UBE2F: variants seen among roughly 807,000 people sequenced by gnomAD.
UBE2F encodes the protein NEDD8-conjugating enzyme UBE2F.
In UBE2F, 5 loss-of-function variants were observed where a neutral mutation model predicts 29.6. That is an observed-to-expected ratio of 0.17 (90% CI 0.09 to 0.36). The LOEUF (loss-of-function observed/expected upper bound fraction) is 0.36, where lower values mean the gene tolerates loss of function less well. Ranked by LOEUF, UBE2F falls within the 10% of genes least tolerant of loss-of-function variation. UBE2F has a pLI of 1.00. For synonymous variants in UBE2F, 66 were observed against 81.8 expected (o/e 0.81, Z 1.04); for missense variants, 141 against 228.5 (o/e 0.62, Z 2.47).
intron 4 of UBE2F, among the ~76,000 whole-genome samples, chr2:238,009,915 T>C (rs1297626116): frequency 6.6e-6 from 1 of 152,236 alleles, no homozygotes; most frequent in East Asian, 1.9e-4. Flanking sequence ...ACCACAGATA[T>C]GCCCACCACC....
At chr2:237,976,232 G>A (rs545692493) in intron 2 of UBE2F, among the ~76,000 whole-genome samples, 55 of 152,328 alleles carry the variant, frequency 3.6e-4, no homozygotes, top group Admixed American at 2.2e-3. Context: ...AAAATGGTGT[G>A]TTGTTGCTGT....
intron 4 of UBE2F, among the ~76,000 whole-genome samples, chr2:238,011,545 G>A (rs569528425): frequency 1.3e-5 from 2 of 152,292 alleles, no homozygotes; most frequent in East Asian, 3.8e-4. Flanking sequence ...TGTGGCACAT[G>A]GTGGGCACTC....
At chr2:237,972,564 T>TGAGACAGGGTC (rs2063197245) in intron 1 of UBE2F, among the ~76,000 whole-genome samples, 1 of 148,576 alleles carries the variant, frequency 6.7e-6, no homozygotes, top group African/African-American at 2.5e-5. Context: ...TTTTTTTTTT[T>TGAGACAGGGTC]TTTTGAGACA....
chr2:238,030,631 A>T lies in UBE2F; in HGVS notation c.411+18A>T, dbSNP rs532696614. On this transcript the variant is annotated intron_variant, in intron 7 of 9. Coordinates refer to ENST00000272930, the MANE Select transcript of UBE2F (RefSeq NM_080678.3). ...CATTAAAGGTAGAGTCTGTGCCTTG[A>T]TCTTGATCATAAGTTGTCCCTGTGG... 2 of 1,605,506 alleles carry T rather than the reference A, an allele frequency of 1.2e-6. No homozygotes were observed. The highest frequency in any genetic ancestry group is 1.7e-6 in the Non-Finnish European group (2 of 1,172,730).
At chr2:237,996,892 G>A (rs2063702942) in intron 4 of UBE2F, among the ~76,000 whole-genome samples, 1 of 152,094 alleles carries the variant, frequency 6.6e-6, no homozygotes, top group Non-Finnish European at 1.5e-5. Context: ...GAGCATAATT[G>A]TTACAGTTTT....
At chr2:238,019,653 C>A (rs1211208094) in intron 5 of UBE2F, among the ~76,000 whole-genome samples, 1 of 23,596 alleles carries the variant, frequency 4.2e-5, no homozygotes, top group Admixed American at 4.6e-4. Flanking sequence ...CTGTGCTCAG[C>A]CTTTTTTTTT....
intron 3 of UBE2F, chr2:237,990,544 A>AGACCTCAGGTGCAT (rs2063566563): frequency 3.6e-6 from 1 of 279,980 alleles, no homozygotes; most frequent in Admixed American, 4.8e-5. Flanking sequence ...CTGAGACCTC[A>AGACCTCAGGTGCAT]GACCTCAGGT....
chr2:237,987,057 T>C (rs1341201145), intron 2 of UBE2F, among the ~76,000 whole-genome samples: 1 of 152,228 alleles, frequency 6.6e-6, no homozygotes, highest in Admixed American at 6.5e-5. Flanking sequence ...GGGATTGCAC[T>C]GAATCTGTAG....
At chr2:238,013,849 C>T (rs1372838092) in intron 4 of UBE2F, among the ~76,000 whole-genome samples, 1 of 152,124 alleles carries the variant, frequency 6.6e-6, no homozygotes, top group East Asian at 1.9e-4. Flanking sequence ...AGGAACTTCC[C>T]TCAGTTGCAT....
intron 4 of UBE2F, among the ~76,000 whole-genome samples, chr2:237,997,985 G>A (rs2063723145): frequency 1.3e-5 from 2 of 152,222 alleles, no homozygotes; most frequent in African/African-American, 4.8e-5. Flanking sequence ...TAGTGGGACA[G>A]TTTGAAAAAC....
At chr2:238,025,231 GA>G in intron 5 of UBE2F, 110 bp from the exon 6 acceptor site, 1 of 893,704 alleles carries the variant, frequency 1.1e-6, no homozygotes, top group East Asian at 2.5e-5. Context: ...ACTGCACACT[GA>G]GTCAGCCATG....
intron 4 of UBE2F, among the ~76,000 whole-genome samples, chr2:238,015,304 G>T (rs2064127682): frequency 6.6e-6 from 1 of 152,110 alleles, no homozygotes; most frequent in African/African-American, 2.4e-5. Flanking sequence ...AAAAGCAAAG[G>T]CTAATTAAGA....
intron 5 of UBE2F, among the ~76,000 whole-genome samples, chr2:238,018,268 T>C (rs1008402657): frequency 6.6e-6 from 1 of 152,148 alleles, no homozygotes; most frequent in African/African-American, 2.4e-5. Flanking sequence ...ATACAGTATT[T>C]AAAATTCTGT....
chr2:238,037,943 G>T (rs1297523725), intron 9 of UBE2F, among the ~76,000 whole-genome samples: 1 of 152,116 alleles, frequency 6.6e-6, no homozygotes, highest in Non-Finnish European at 1.5e-5. Flanking sequence ...TCTAGACATC[G>T]TGCTGAATGT....
At chr2:238,020,870 A>T (rs1379753381) in intron 5 of UBE2F, among the ~76,000 whole-genome samples, 2 of 152,168 alleles carry the variant, frequency 1.3e-5, no homozygotes, top group Admixed American at 6.5e-5. Flanking sequence ...GTGGCCTTTT[A>T]AGAATTTCAG....
At chr2:238,035,601 G>T in intron 8 of UBE2F, 1 of 321,172 alleles carries the variant, frequency 3.1e-6, no homozygotes, top group Non-Finnish European at 5.7e-6. Context: ...AAATGAATGC[G>T]ATTGCAATTT....
intron 3 of UBE2F, among the ~76,000 whole-genome samples, chr2:237,992,268 G>C (rs2063606822): frequency 6.6e-6 from 1 of 152,204 alleles, no homozygotes; most frequent in Non-Finnish European, 1.5e-5. Context: ...ACAAATACAT[G>C]ATGCCAACTT....
At chr2:238,016,508 G>C (rs766721862) in intron 4 of UBE2F, 58 bp from the exon 5 acceptor site, 3 of 1,468,316 alleles carry the variant, frequency 2.0e-6, no homozygotes, top group Non-Finnish European at 2.8e-6. Flanking sequence ...TTTGCTTTTT[G>C]TTTCCTTTTT....
At chr2:238,029,391 A>G (rs963039367) in intron 6 of UBE2F, among the ~76,000 whole-genome samples, 2 of 152,078 alleles carry the variant, frequency 1.3e-5, no homozygotes, top group African/African-American at 2.4e-5. Flanking sequence ...GATCGAGACC[A>G]TCCTGGTTAA....
Sources: gnomAD v4.1 joint callset for allele counts (sites outside exome capture counted in the v4.1 genomes callset) on GRCh38, gnomAD v4.1.1 for gene constraint, MANE v1.5 for transcripts, NCBI Gene and HGNC (gene_info 2026-07-23, HGNC 2026-07-21) for gene names.